Variants in MXI1 observed in about 807,000 individuals in gnomAD.
MXI1 encodes max-interacting protein 1.
Under a neutral mutation model 36.9 loss-of-function variants are expected in MXI1, and 18 were observed. That is an observed-to-expected ratio of 0.49 (90% confidence interval 0.34 to 0.72). The LOEUF (loss-of-function observed/expected upper bound fraction) is 0.72, where lower values mean the gene tolerates loss of function less well. MXI1 is among the 30% of genes least tolerant of loss of function. The probability of loss-of-function intolerance (pLI) is 0.01; values close to 1 mark genes in which losing one functional copy is unlikely to be tolerated. For synonymous variants in MXI1, 160 were observed against 146.7 expected (o/e 1.09, Z -0.65); for missense variants, 304 against 379.1 (o/e 0.80, Z 1.64).
intron 3 of MXI1, among the ~76,000 whole-genome samples, chr10:110,272,696 A>G (rs1856892977): frequency 6.6e-6 from 1 of 151,212 alleles, no homozygotes; most frequent in Admixed American, 6.6e-5. Context: ...TTATATTATT[A>G]TATTATATAT....
At chr10:110,251,091 T>C (rs556128875) in intron 3 of MXI1, among the ~76,000 whole-genome samples, 1 of 144,372 alleles carries the variant, frequency 6.9e-6, no homozygotes, top group African/African-American at 2.6e-5. Flanking sequence ...GACTTTCACC[T>C]ACCTCTGAGG....
At chr10:110,255,389 G>A (rs1226522597) in intron 3 of MXI1, among the ~76,000 whole-genome samples, 1 of 152,188 alleles carries the variant, frequency 6.6e-6, no homozygotes, top group African/African-American at 2.4e-5. Flanking sequence ...GGATATTAAT[G>A]TTATTTTCAT....
intron 5 of MXI1, among the ~76,000 whole-genome samples, chr10:110,284,066 T>TA (rs765514811): frequency 3.3e-5 from 5 of 152,210 alleles, no homozygotes; most frequent in Middle Eastern, 3.4e-3. Context: ...GTGCTGGGAT[T>TA]ACGGACGTGA....
chr10:110,260,079 T>A (rs914536843), intron 3 of MXI1, among the ~76,000 whole-genome samples: 4 of 152,018 alleles, frequency 2.6e-5, no homozygotes, highest in African/African-American at 9.7e-5. Flanking sequence ...TAAACATGAT[T>A]TTGGAGCCAA....
chr10:110,251,366 TGATA>T (rs1416598129), intron 3 of MXI1, among the ~76,000 whole-genome samples: 1 of 152,140 alleles, frequency 6.6e-6, no homozygotes, highest in Non-Finnish European at 1.5e-5. Context: ...TGTGGCATCA[TGATA>T]GATCAAATGA....
At chr10:110,220,204 G>A (rs1854766157) in intron 1 of MXI1, among the ~76,000 whole-genome samples, 1 of 152,156 alleles carries the variant, frequency 6.6e-6, no homozygotes, top group South Asian at 2.1e-4. Context: ...TCCTTTCTGG[G>A]CCTTATTTGT....
rs1242428276 is a variant in MXI1, at chr10:110,286,529, TTGC to T, written c.*1545_*1547del. On this transcript the variant is annotated 3_prime_UTR_variant, in exon 6 of 6. Coordinates refer to ENST00000332674, the MANE Select transcript of MXI1 (RefSeq NM_130439.3). ...AAAGCTTTATGATTTTCATAACTTA[TTGC>T]TGATTTTAATGGATTGTTAATTTCA... 2 of 152,514 alleles carry T rather than the reference TTGC, an allele frequency of 1.3e-5. No individual in the cohort carries two copies. Among genetic ancestry groups the T allele is most frequent in the Non-Finnish European group, 2.9e-5 (2 of 68,016 alleles). 9.4% of individuals were successfully genotyped at this position (152,514 alleles called of 1,614,324 possible). A position where few individuals can be genotyped will look rare whatever the true frequency, so the allele number is the denominator to read the frequency against.
intron 3 of MXI1, among the ~76,000 whole-genome samples, chr10:110,278,113 A>G (rs143925358): frequency 6.6e-6 from 1 of 152,308 alleles, no homozygotes; most frequent in East Asian, 1.9e-4. Flanking sequence ...TTCTTTTCAG[A>G]TATGCTGTTA....
At chr10:110,248,872 C>T (rs60941259) in intron 3 of MXI1, among the ~76,000 whole-genome samples, 3,205 of 152,120 alleles carry the variant, frequency 0.021, 52 homozygotes, top group African/African-American at 0.033. Flanking sequence ...AAATAAAACT[C>T]GAATTTAGAA....
In MXI1 at chr10:110,208,070, A is replaced by C. The variant is rs750699993; in HGVS notation, c.262A>C (p.Lys88Gln). Residue 88 changes from lysine (K) to glutamine (Q), a missense_variant, in exon 1 of 6, where the codon AAA becomes CAA. Transcript: ENST00000332674. Reference protein sequence around the residue: ...EAASYLEQIEKENKKCEHGYA... With the variant: ...EAASYLEQIEQENKKCEHGYA... The stretch of plus-strand genomic sequence containing the variant: ...CGCCAGCTACCTGGAGCAGATCGAG[A>C]AAGAAAACAAAAGTAAGTTTGGGGG... The C allele has an allele frequency of 6.3e-7, 1 of 1,591,040 alleles. No homozygotes were observed. The highest frequency in any genetic ancestry group is 1.1e-5 in the South Asian group (1 of 88,612).
At chr10:110,245,014 A>T in intron 3 of MXI1, 157 bp downstream of exon 3, 1 of 698,920 alleles carries the variant, frequency 1.4e-6, no homozygotes, top group Non-Finnish European at 2.3e-6. Context: ...TCTCCAAAAA[A>T]TGATTTAATA....
intron 3 of MXI1, among the ~76,000 whole-genome samples, chr10:110,248,921 TG>T (rs1025091890): frequency 6.6e-6 from 1 of 152,238 alleles, no homozygotes; most frequent in Middle Eastern, 3.4e-3. Context: ...TTACCAGTGG[TG>T]GTCTGGCAAA....
intron 2 of MXI1, 28 bp downstream of exon 2, chr10:110,228,349 G>A (rs750780737): frequency 1.2e-5 from 20 of 1,613,274 alleles, no homozygotes; most frequent in Non-Finnish European, 1.4e-5. Context: ...CTTAGAAGAG[G>A]GAACTGGAGG....
At chr10:110,241,703 T>C (rs1855677794) in intron 2 of MXI1, among the ~76,000 whole-genome samples, 1 of 152,018 alleles carries the variant, frequency 6.6e-6, no homozygotes, top group Non-Finnish European at 1.5e-5. Context: ...CAAAGTGTTA[T>C]TGAGAACCTA....
chr10:110,223,928 T>C (rs1054761227), intron 1 of MXI1, among the ~76,000 whole-genome samples: 4 of 151,882 alleles, frequency 2.6e-5, no homozygotes, highest in Admixed American at 2.6e-4. Context: ...CCAAGTGTAA[T>C]ATTTAAAAGG....
At chr10:110,283,117 ATAT>A (rs1194463511) in intron 5 of MXI1, among the ~76,000 whole-genome samples, 1 of 152,228 alleles carries the variant, frequency 6.6e-6, no homozygotes, top group Non-Finnish European at 1.5e-5. Context: ...TATAGAGCCA[ATAT>A]ATGAATTCAC....
chr10:110,233,306 G>A (rs377338603), intron 2 of MXI1, among the ~76,000 whole-genome samples: 1 of 152,162 alleles, frequency 6.6e-6, no homozygotes, highest in African/African-American at 2.4e-5. Flanking sequence ...TTATTTTTTA[G>A]CTTTGCATCC....
chr10:110,249,934 G>C (rs529803062), intron 3 of MXI1, among the ~76,000 whole-genome samples: 262 of 152,256 alleles, frequency 1.7e-3, no homozygotes, highest in South Asian at 0.015. Flanking sequence ...AAACAAAACC[G>C]TGAGATTGTT....
rs112009086 is a variant in MXI1 at position 110,235,687 on chromosome 10, C to CAAA, written c.407+7370_407+7372dup. 6.0e-5 allele frequency among the ~76,000 whole-genome samples: 8 copies of CAAA among 133,676 alleles called. No homozygotes were observed. The South Asian group carries it at 7.3e-4, about 12-fold the overall frequency. 87.7% of individuals were successfully genotyped at this position (133,676 alleles called of 152,430 possible). A position where few individuals can be genotyped will look rare whatever the true frequency, so the allele number is the denominator to read the frequency against. ...TGGGTGACAGAGCAAGACTCTGTCT[C>CAAA]AAAAAATAAATAAATAAATAAATAA... is the stretch of plus-strand genomic sequence containing the variant. On this transcript the variant is annotated intron_variant, in intron 2 of 5. Coordinates refer to ENST00000332674, the MANE Select transcript of MXI1 (RefSeq NM_130439.3).
Sources: allele counts gnomAD v4.1 joint callset (sites outside exome capture counted in the v4.1 genomes callset), GRCh38; gene constraint gnomAD v4.1.1; transcripts MANE v1.5; gene names NCBI Gene and HGNC (gene_info 2026-07-23, HGNC 2026-07-21).